Variants in SYTL5 observed in about 807,000 individuals in gnomAD.
SYTL5 encodes synaptotagmin-like protein 5.
A neutral mutation model predicts 55.9 loss-of-function variants in SYTL5; 34 were observed. The ratio of observed to expected loss-of-function variants is 0.61; its 90% CI spans 0.46 to 0.81. The LOEUF is 0.81. Among genes scored for constraint, SYTL5 ranks in the 30% least tolerant of loss-of-function variants. The probability of loss-of-function intolerance (pLI) is 0.00; values close to 1 mark genes in which losing one functional copy is unlikely to be tolerated. For missense variants in SYTL5, 637 were observed against 546.7 expected (o/e 1.17, Z -1.65); for synonymous variants, 221 against 188.7 (o/e 1.17, Z -1.40).
At chrX:37,962,930 G>A in the SYTL5 span, among the ~76,000 whole-genome samples, 79 of 111,596 alleles carry the variant, frequency 7.1e-4, 1 homozygote, top group Non-Finnish European at 1.4e-3. Flanking sequence ...CAAAATTGGG[G>A]ATTAAATTTC....
chrX:37,931,235 T>C, the SYTL5 span, among the ~76,000 whole-genome samples: 13 of 112,069 alleles, frequency 1.2e-4, no homozygotes, highest in Non-Finnish European at 1.1e-4. Context: ...TGTTAGAGAA[T>C]ATGCAAGACT....
the SYTL5 span, among the ~76,000 whole-genome samples, chrX:37,940,720 T>C: frequency 9.1e-6 from 1 of 109,729 alleles, no homozygotes; most frequent in South Asian, 3.9e-4. Context: ...CAGTAATAAA[T>C]AAATATGACC....
chrX:37,940,967 A>C, the SYTL5 span, among the ~76,000 whole-genome samples: 1 of 111,143 alleles, frequency 9.0e-6, no homozygotes, highest in South Asian at 3.8e-4. Flanking sequence ...ACTAGGGCTT[A>C]CTGTAGAGGG....
chrX:37,999,037 C>T, the SYTL5 span, among the ~76,000 whole-genome samples: 1 of 112,277 alleles, frequency 8.9e-6, no homozygotes, highest in Admixed American at 9.4e-5. Context: ...TGCATGACTA[C>T]TGTATGGCTC....
chrX:37,922,780 A>G, the SYTL5 span, among the ~76,000 whole-genome samples: 2 of 111,398 alleles, frequency 1.8e-5, no homozygotes, highest in Non-Finnish European at 3.8e-5. Context: ...AAGATTGAGG[A>G]ACCCTGGGTA....
At chrX:37,993,816 T>C in the SYTL5 span, among the ~76,000 whole-genome samples, 16 of 112,600 alleles carry the variant, frequency 1.4e-4, no homozygotes. Flanking sequence ...ATTGACACAA[T>C]TTTTTGCTAA....
In SYTL5 at chrX:38,023,370, A is replaced by G. The variant is rs138409794; in HGVS notation, c.-356-10164A>G. 4.4e-3 allele frequency among the ~76,000 whole-genome samples: 491 copies of G among 112,226 alleles called. 2 individuals carry two copies. The highest frequency in any genetic ancestry group is 7.5e-3 in the Non-Finnish European group (397 of 53,201). Reference sequence around the variant, plus strand: ...TTTTTTAAAGACATAATATATGGTTACATGAATACATCCAAAATAATAAAC... The same window carrying G: ...TTTTTTAAAGACATAATATATGGTTGCATGAATACATCCAAAATAATAAAC... On this transcript the variant is annotated intron_variant, in intron 1 of 16. Coordinates refer to ENST00000297875, the MANE Select transcript of SYTL5 (RefSeq NM_138780.3).
the SYTL5 span, among the ~76,000 whole-genome samples, chrX:37,983,474 G>A: frequency 8.9e-6 from 1 of 112,223 alleles, no homozygotes; most frequent in Non-Finnish European, 1.9e-5. Context: ...AACCCACTGG[G>A]AAGATATAAC....
At chrX:37,897,110 G>A in the SYTL5 span, among the ~76,000 whole-genome samples, 199 of 111,995 alleles carry the variant, frequency 1.8e-3, 6 homozygotes, top group East Asian at 0.052. Context: ...GGAATGGCAA[G>A]TGGAAATTTC....
the SYTL5 span, among the ~76,000 whole-genome samples, chrX:37,980,966 G>C: frequency 3.6e-4 from 40 of 112,316 alleles, no homozygotes; most frequent in Non-Finnish European, 6.4e-4. Flanking sequence ...GAAGTGTTCA[G>C]CTCCTATGAC....
intron 10 of SYTL5, chrX:38,103,235 TGATGA>T: frequency 2.4e-6 from 1 of 416,862 alleles, no homozygotes. Flanking sequence ...TCTAAAAGAT[TGATGA>T]GATGATCAGA....
chrX:37,920,643 C>T, the SYTL5 span, among the ~76,000 whole-genome samples: 2 of 111,131 alleles, frequency 1.8e-5, no homozygotes, highest in African/African-American at 6.5e-5. Context: ...CCACCATTCT[C>T]TTCTCTGAAC....
chrX:37,911,164 G>A, the SYTL5 span, among the ~76,000 whole-genome samples: 4 of 108,939 alleles, frequency 3.7e-5, no homozygotes, highest in African/African-American at 1.0e-4. Context: ...GAGAGACGAG[G>A]TTTCAGTATG....
intron 9 of SYTL5, among the ~76,000 whole-genome samples, chrX:38,099,430 G>A (rs773583251): frequency 4.4e-4 from 49 of 111,119 alleles, no homozygotes; most frequent in Admixed American, 4.1e-3. Context: ...AGGGATAATA[G>A]GGATGCATTT....
At chrX:38,059,520 G>C (rs1408780488) in intron 3 of SYTL5, among the ~76,000 whole-genome samples, 1 of 111,708 alleles carries the variant, frequency 9.0e-6, no homozygotes, top group East Asian at 2.8e-4. Context: ...CCCCATGAGG[G>C]CTGATCTGTT....
chrX:37,966,868 C>T, the SYTL5 span, among the ~76,000 whole-genome samples: 20 of 111,980 alleles, frequency 1.8e-4, no homozygotes, highest in African/African-American at 6.5e-5. Flanking sequence ...CCTTGACCAT[C>T]GAATTTTATG....
intron 14 of SYTL5, among the ~76,000 whole-genome samples, chrX:38,121,352 C>A (rs7066061): frequency 9.0e-6 from 1 of 111,603 alleles, no homozygotes; most frequent in Non-Finnish European, 1.9e-5. Flanking sequence ...TTGCAGGCAG[C>A]CTCCTCTGTC....
chrX:38,094,594 G>A (rs1936880606), intron 8 of SYTL5, among the ~76,000 whole-genome samples, 170 bp downstream of exon 8: 1 of 111,618 alleles, frequency 9.0e-6, no homozygotes, highest in Non-Finnish European at 1.9e-5. Context: ...ATAGACCCAG[G>A]TAAAGCTTTG....
the SYTL5 span, among the ~76,000 whole-genome samples, chrX:37,981,409 C>T: frequency 9.0e-6 from 1 of 111,301 alleles, no homozygotes; most frequent in African/African-American, 3.3e-5. Context: ...AATCCTCCCT[C>T]CTCAGCCTCC....
Sources: gnomAD v4.1 joint callset for allele counts (sites outside exome capture counted in the v4.1 genomes callset) on GRCh38, gnomAD v4.1.1 for gene constraint, MANE v1.5 for transcripts, NCBI Gene and HGNC (gene_info 2026-07-23, HGNC 2026-07-21) for gene names.